The following CNTN6 variants were observed in gnomAD, a reference collection of about 807,000 sequenced individuals.
CNTN6 encodes contactin-6.
Under a neutral mutation model 122.8 loss-of-function variants are expected in CNTN6, and 137 were observed. The observed-to-expected ratio is 1.12, with a 90% CI of 0.97 to 1.29. The LOEUF is 1.29. Among genes scored for constraint, CNTN6 ranks in the 50% most tolerant of loss-of-function variants. The probability of loss-of-function intolerance (pLI) is 0.00; values close to 1 mark genes in which losing one functional copy is unlikely to be tolerated. For synonymous variants in CNTN6, 570 were observed against 426.0 expected (o/e 1.34, Z -4.16); for missense variants, 1,634 against 1,223.4 (o/e 1.34, Z -5.01).
In CNTN6 at chr3:1,401,432, G is replaced by C. The variant is rs143717225; in HGVS notation, c.2705-1G>C. 8 of 1,610,460 alleles carry C rather than the reference G, an allele frequency of 5.0e-6. No homozygotes were observed. Among genetic ancestry groups the C allele is most frequent in the Non-Finnish European group, 6.8e-6 (8 of 1,177,620 alleles). ...TTGGATCTTTGATTATCTCTTTAAA[G>C]CTCCAAGCCAACCACCAGCAAACAT... is the stretch of plus-strand genomic sequence containing the variant. On this transcript the variant is annotated splice_acceptor_variant, in intron 20 of 22. Transcript: ENST00000446702. LOFTEE classifies it high-confidence loss of function.
chr3:1,290,064 TC>T, intron 5 of CNTN6, among the ~76,000 whole-genome samples: 1 of 152,188 alleles, frequency 6.6e-6, no homozygotes, highest in Admixed American at 6.5e-5. Context: ...AATGCAGATT[TC>T]CTGGCTCCTC....
Position 1,220,906 on chromosome 3 carries a change from T to C in CNTN6, c.182+93T>C, listed in dbSNP as rs76293009. On this transcript the variant is annotated intron_variant, in intron 3 of 22. Transcript: ENST00000446702. ...AAAGTGTTTTATAAAATGTCCTAAT[T>C]TGTAGTGTACAGCTCAAGGAATTTC... 5,806 of 1,370,978 alleles carry C rather than the reference T, an allele frequency of 4.2e-3. 213 individuals carry two copies. The African/African-American group carries it at 0.075, about 18-fold the overall frequency. The allele number at this position is 1,370,978 out of a possible 1,614,324, so 84.9% of individuals were successfully genotyped here. A position where few individuals can be genotyped will look rare whatever the true frequency, so the allele number is the denominator to read the frequency against.
rs2094552217 is a variant in CNTN6 at position 1,245,238 on chromosome 3, A to ATAT, written c.358+17245_358+17246insTAT. Among the ~76,000 whole-genome samples the ATAT allele has an allele frequency of 2.5e-4, 2 of 7,890 alleles. 1 individual carries two copies. The highest frequency in any genetic ancestry group is 1.4e-3 in the African/African-American group (2 of 1,468). 5.2% of individuals were successfully genotyped at this position (7,890 alleles called of 152,430 possible). On this transcript the variant is annotated intron_variant, in intron 4 of 22. Coordinates refer to ENST00000446702, the MANE Select transcript of CNTN6 (RefSeq NM_001289080.2). ...TATATATATATATATATATATATAC[A>ATAT]CACACACATATATATATAACATATA...
chr3:1,312,922 T>C (rs927493724), intron 7 of CNTN6, among the ~76,000 whole-genome samples: 3 of 152,060 alleles, frequency 2.0e-5, no homozygotes, highest in Admixed American at 6.6e-5. Flanking sequence ...GTATGTTTGA[T>C]AGTGCTATAG....
chr3:1,157,495 A>C (rs2093002068), intron 2 of CNTN6, among the ~76,000 whole-genome samples: 1 of 152,132 alleles, frequency 6.6e-6, no homozygotes, highest in Non-Finnish European at 1.5e-5. Context: ...GGGATTACAG[A>C]TATAAGCCAC....
intron 5 of CNTN6, among the ~76,000 whole-genome samples, chr3:1,281,262 C>T (rs1230255780): frequency 2.0e-5 from 3 of 152,112 alleles, no homozygotes; most frequent in South Asian, 4.1e-4. Flanking sequence ...CTAAAGGCTC[C>T]ATATTTCCTA....
At chr3:1,102,601 G>A (rs185689495) in intron 1 of CNTN6, among the ~76,000 whole-genome samples, 3,961 of 148,272 alleles carry the variant, frequency 0.027, 221 homozygotes, top group African/African-American at 0.095. Flanking sequence ...TGGTGGCGGC[G>A]CCTGTAGTCC....
chr3:1,326,085 T>G, intron 9 of CNTN6, 134 bp downstream of exon 9: 1 of 672,302 alleles, frequency 1.5e-6, no homozygotes, highest in South Asian at 2.6e-5. Context: ...ATGCATACAC[T>G]GATTTATTTA....
chr3:1,221,594 G>A (rs550953588), intron 3 of CNTN6, among the ~76,000 whole-genome samples: 12 of 152,264 alleles, frequency 7.9e-5, no homozygotes, highest in African/African-American at 2.9e-4. Context: ...CATATTATTT[G>A]TGGAATTCTA....
chr3:1,371,370 A>C (rs1708986947), intron 12 of CNTN6, among the ~76,000 whole-genome samples: 1 of 152,042 alleles, frequency 6.6e-6, no homozygotes. Flanking sequence ...AACTTGCCTA[A>C]AACCTTTATT....
chr3:1,180,063 T>C (rs2093525061), intron 2 of CNTN6, among the ~76,000 whole-genome samples: 1 of 152,218 alleles, frequency 6.6e-6, no homozygotes, highest in East Asian at 1.9e-4. Flanking sequence ...ATTTGTCCAA[T>C]TCTTTTTTAA....
chr3:1,283,635 C>T (rs774021692), intron 5 of CNTN6, among the ~76,000 whole-genome samples: 18 of 152,162 alleles, frequency 1.2e-4, no homozygotes, highest in Non-Finnish European at 2.2e-4. Context: ...TAATTAAACC[C>T]CCCCTTCACT....
chr3:1,176,926 G>A (rs559268155), intron 2 of CNTN6, among the ~76,000 whole-genome samples: 1 of 152,210 alleles, frequency 6.6e-6, no homozygotes, highest in East Asian at 1.9e-4. Context: ...ATGCTAAGAG[G>A]TGCACTTTCT....
chr3:1,199,503 A>G (rs2093829305), intron 2 of CNTN6, among the ~76,000 whole-genome samples: 1 of 152,076 alleles, frequency 6.6e-6, no homozygotes, highest in South Asian at 2.1e-4. Context: ...TAAGCCACCT[A>G]GTTTGCCAAA....
At chr3:1,400,010 T>C (rs1695483309) in intron 20 of CNTN6, among the ~76,000 whole-genome samples, 1 of 152,108 alleles carries the variant, frequency 6.6e-6, no homozygotes, top group Non-Finnish European at 1.5e-5. Flanking sequence ...AGAGAATGTA[T>C]GGTAATATAT....
intron 7 of CNTN6, among the ~76,000 whole-genome samples, chr3:1,307,717 C>T (rs1180203844): frequency 6.6e-6 from 1 of 152,090 alleles, no homozygotes; most frequent in Non-Finnish European, 1.5e-5. Context: ...TTTGATGTCC[C>T]TGACAGTTTT....
At chr3:1,361,190 G>A (rs1260202913) in intron 12 of CNTN6, among the ~76,000 whole-genome samples, 1 of 151,988 alleles carries the variant, frequency 6.6e-6, no homozygotes, top group East Asian at 1.9e-4. Flanking sequence ...CCACACACAC[G>A]CTAAACCCAC....
intron 2 of CNTN6, among the ~76,000 whole-genome samples, chr3:1,177,521 T>C (rs927005314): frequency 8.5e-5 from 13 of 152,314 alleles, no homozygotes; most frequent in African/African-American, 3.1e-4. Flanking sequence ...CTATCTAGCA[T>C]CACCTTTTTT....
rs181935240 is a variant in CNTN6 at position 1,276,939 on chromosome 3, T to C, written c.359-1474T>C. On this transcript the variant is annotated intron_variant, in intron 4 of 22. Transcript: ENST00000446702. The stretch of plus-strand genomic sequence containing the variant: ...GTGGCTTTCAAGACCTCCCATATCA[T>C]TGGCAATTTGGCAATTTAGGTGGGT... Among the ~76,000 whole-genome samples the C allele has an allele frequency of 1.5e-3, 229 of 152,248 alleles. 1 individual carries two copies. The highest frequency in any genetic ancestry group is 4.7e-3 in the African/African-American group (197 of 41,534).
Sources: allele counts gnomAD v4.1 joint callset (sites outside exome capture counted in the v4.1 genomes callset), GRCh38; gene constraint gnomAD v4.1.1; transcripts MANE v1.5; gene names NCBI Gene and HGNC (gene_info 2026-07-23, HGNC 2026-07-21).